Variants in PLD5 observed in about 807,000 individuals in gnomAD.
PLD5 encodes inactive phospholipase D5.
A neutral mutation model predicts 61.1 loss-of-function variants in PLD5; 36 were observed. The observed-to-expected ratio is 0.59, with a 90% CI of 0.45 to 0.78. The LOEUF is 0.78. Among genes scored for constraint, PLD5 ranks in the 30% least tolerant of loss-of-function variants. The pLI is 0.00. For synonymous variants in PLD5, 243 were observed against 242.8 expected (o/e 1.00, Z -0.01); for missense variants, 515 against 644.4 (o/e 0.80, Z 2.17).
At chr1:242,380,243 G>A (rs1662200097) in intron 1 of PLD5, among the ~76,000 whole-genome samples, 1 of 152,140 alleles carries the variant, frequency 6.6e-6, no homozygotes, top group African/African-American at 2.4e-5. Flanking sequence ...CACTTACAAT[G>A]GGAAGCTCCT....
chr1:242,121,237 T>C (rs1049113562), intron 6 of PLD5, among the ~76,000 whole-genome samples: 12 of 152,196 alleles, frequency 7.9e-5, no homozygotes, highest in East Asian at 5.8e-4. Context: ...AAGTGAAGTA[T>C]TGGGAATACC....
intron 5 of PLD5, among the ~76,000 whole-genome samples, chr1:242,133,803 A>T (rs148143300): frequency 5.3e-4 from 80 of 152,336 alleles, no homozygotes; most frequent in African/African-American, 1.9e-3. Flanking sequence ...CCTTGAGTAG[A>T]GTAACTGGAG....
chr1:242,497,025 G>A (rs1668393083), intron 1 of PLD5, among the ~76,000 whole-genome samples: 1 of 152,166 alleles, frequency 6.6e-6, no homozygotes, highest in African/African-American at 2.4e-5. Flanking sequence ...AGAAGCCCAA[G>A]CAGACAGTTG....
intron 6 of PLD5, among the ~76,000 whole-genome samples, chr1:242,115,085 G>A (rs1197179092): frequency 2.0e-5 from 3 of 152,086 alleles, no homozygotes; most frequent in African/African-American, 7.2e-5. Flanking sequence ...GGCTGAGGCA[G>A]GAGAATCGCT....
In PLD5 at chr1:242,485,549, A is replaced by T. The variant is rs578044646; in HGVS notation, c.189+38539T>A. On this transcript the variant is annotated intron_variant, in intron 1 of 9. Transcript: ENST00000536534. Reference sequence around the variant, plus strand: ...TTCAAGGAGAACTACAAACCACTGAACAATGAAATAAAAGAGGATACAAAC... The same window carrying T: ...TTCAAGGAGAACTACAAACCACTGATCAATGAAATAAAAGAGGATACAAAC... Among the ~76,000 whole-genome samples, 1,267 of 152,194 alleles carry T rather than the reference A, an allele frequency of 8.3e-3. 17 individuals are homozygous for T. The highest frequency in any genetic ancestry group is 0.029 in the African/African-American group (1,210 of 41,542).
intron 1 of PLD5, among the ~76,000 whole-genome samples, chr1:242,439,901 A>C (rs1460275829): frequency 6.6e-6 from 1 of 152,212 alleles, no homozygotes; most frequent in Non-Finnish European, 1.5e-5. Flanking sequence ...GGACAGTATA[A>C]GCCACAAGCA....
intron 1 of PLD5, among the ~76,000 whole-genome samples, chr1:242,394,701 T>C (rs1385967247): frequency 1.9e-5 from 1 of 53,002 alleles, no homozygotes; most frequent in Non-Finnish European, 3.2e-5. Flanking sequence ...TGTATATATG[T>C]GAACATATAT....
At chr1:242,145,800 G>T (rs984459853) in intron 5 of PLD5, among the ~76,000 whole-genome samples, 1 of 152,098 alleles carries the variant, frequency 6.6e-6, no homozygotes, top group African/African-American at 2.4e-5. Flanking sequence ...AGCCTCCTGA[G>T]TAGCTGGGAT....
At position 242,325,436 on chromosome 1, in the gene PLD5, G is replaced by A. The variant is rs78062897; in HGVS notation, c.326+22670C>T. On this transcript the variant is annotated intron_variant, in intron 2 of 9. Transcript: ENST00000536534. ...GGGGAGAGCGAGAGAAAGGGGTGGG[G>A]GGGAGAGAGAGATTGGGAGAGAGGG... Among the ~76,000 whole-genome samples, 5 of 134,756 alleles carry A rather than the reference G, an allele frequency of 3.7e-5. No individual in the cohort carries two copies. In the East Asian group the frequency reaches 1.2e-3, roughly 33 times the overall value. The allele number at this position is 134,756 out of a possible 152,430, so 88.4% of individuals were successfully genotyped here.
intron 5 of PLD5, among the ~76,000 whole-genome samples, chr1:242,209,792 G>T (rs1211546218): frequency 6.6e-6 from 1 of 152,026 alleles, no homozygotes; most frequent in East Asian, 1.9e-4. Flanking sequence ...CAGTTTTGTG[G>T]GTTGTTTGTT....
chr1:242,136,424 G>A (rs1663735748), intron 5 of PLD5, among the ~76,000 whole-genome samples: 1 of 151,998 alleles, frequency 6.6e-6, no homozygotes, highest in African/African-American at 2.4e-5. Flanking sequence ...TTTCATTTTA[G>A]TATTCACCAT....
intron 2 of PLD5, among the ~76,000 whole-genome samples, chr1:242,310,793 C>A (rs1676654055): frequency 6.6e-6 from 1 of 152,144 alleles, no homozygotes; most frequent in African/African-American, 2.4e-5. Flanking sequence ...AGATTAGTTA[C>A]TTTAATCCCT....
At chr1:242,447,940 G>C (rs920484047) in intron 1 of PLD5, among the ~76,000 whole-genome samples, 1 of 152,220 alleles carries the variant, frequency 6.6e-6, no homozygotes, top group Admixed American at 6.5e-5. Context: ...GGCTAATGAA[G>C]GGAAGAAAGG....
intron 1 of PLD5, among the ~76,000 whole-genome samples, chr1:242,434,129 C>G (rs1359315490): frequency 1.3e-5 from 2 of 152,178 alleles, no homozygotes; most frequent in Non-Finnish European, 2.9e-5. Flanking sequence ...GGCAGCAAGG[C>G]TGGAAACAAG....
intron 1 of PLD5, chr1:242,377,538 A>G: frequency 1.7e-6 from 1 of 583,048 alleles, no homozygotes; most frequent in Non-Finnish European, 3.1e-6. Context: ...CACTCAGTCT[A>G]AGCAATACGA....
chr1:242,518,016 C>T (rs2103009105), intron 1 of PLD5, among the ~76,000 whole-genome samples: 1 of 152,258 alleles, frequency 6.6e-6, no homozygotes, highest in East Asian at 1.9e-4. Context: ...ACACAAGGCT[C>T]TTTGCCTACT....
At chr1:242,272,962 G>C (rs1332770718) in intron 3 of PLD5, among the ~76,000 whole-genome samples, 1 of 151,910 alleles carries the variant, frequency 6.6e-6, no homozygotes, top group African/African-American at 2.4e-5. Context: ...AGAACGTGCA[G>C]GTTTGTTACA....
intron 1 of PLD5, among the ~76,000 whole-genome samples, chr1:242,364,329 C>T (rs1661225623): frequency 6.6e-6 from 1 of 152,204 alleles, no homozygotes; most frequent in African/African-American, 2.4e-5. Flanking sequence ...GAGCACTCCA[C>T]TAAATAAATA....
chr1:242,418,328 C>T (rs929241261), intron 1 of PLD5, among the ~76,000 whole-genome samples: 1 of 152,104 alleles, frequency 6.6e-6, no homozygotes, highest in Non-Finnish European at 1.5e-5. Context: ...TTGTGTTAGG[C>T]TTGAGATGCC....
Sources: allele counts gnomAD v4.1 joint callset (sites outside exome capture counted in the v4.1 genomes callset), GRCh38; gene constraint gnomAD v4.1.1; transcripts MANE v1.5; gene names NCBI Gene and HGNC (gene_info 2026-07-23, HGNC 2026-07-21).